NME7: variants seen among roughly 807,000 people sequenced by gnomAD.
The protein encoded by NME7 is NME/NM23 family member 7.
A neutral mutation model predicts 49.1 loss-of-function variants in NME7; 41 were observed. The observed-to-expected ratio is 0.83, with a 90% CI of 0.65 to 1.08. The LOEUF is 1.08. Ranked by LOEUF, NME7 falls within the 50% of genes least tolerant of loss-of-function variation. The pLI, the probability that NME7 is intolerant of heterozygous loss-of-function variation, is 0.00. For missense variants in NME7, 423 were observed against 463.4 expected (o/e 0.91, Z 0.80); for synonymous variants, 139 against 150.6 (o/e 0.92, Z 0.56).
At chr1:169,158,144 C>T (rs535272328) in intron 11 of NME7, among the ~76,000 whole-genome samples, 1 of 152,162 alleles carries the variant, frequency 6.6e-6, no homozygotes, top group East Asian at 1.9e-4. Context: ...ACATAAAATA[C>T]AGTAGTGCCC....
intron 11 of NME7, among the ~76,000 whole-genome samples, chr1:169,165,369 T>C (rs1659380349): frequency 6.6e-6 from 1 of 152,170 alleles, no homozygotes; most frequent in African/African-American, 2.4e-5. Flanking sequence ...AGCCATACTT[T>C]CTGAGCTCTA....
rs1471360606 is a variant in NME7, at chr1:169,267,197, A to T, written c.754+20106T>A. Among the ~76,000 whole-genome samples the T allele has an allele frequency of 2.2e-5, 3 of 134,158 alleles. 1 individual carries two copies. Among genetic ancestry groups the T allele is most frequent in the Non-Finnish European group, 5.2e-5 (3 of 57,150 alleles). 88.0% of individuals were successfully genotyped at this position (134,158 alleles called of 152,430 possible). The stretch of plus-strand genomic sequence containing the variant: ...CCACAAAAAGAGTAAAATATCTAGG[A>T]ATACAGCTAACCAAGGAAGTTAAAG... On this transcript the variant is annotated intron_variant, in intron 7 of 11. Coordinates refer to ENST00000367811, the MANE Select transcript of NME7 (RefSeq NM_013330.5).
intron 4 of NME7, 147 bp downstream of exon 4, chr1:169,309,823 G>C: frequency 1.8e-6 from 1 of 546,690 alleles, no homozygotes; most frequent in South Asian, 2.4e-5. Context: ...ATGAACTCCT[G>C]TCAGTTCCCA....
intron 10 of NME7, among the ~76,000 whole-genome samples, chr1:169,199,444 GTCTTTTT>G (rs1326057201): frequency 9.5e-5 from 12 of 126,206 alleles, no homozygotes; most frequent in Admixed American, 3.7e-4. Flanking sequence ...AGAACCCAGG[GTCTTTTT>G]TATTATTATT....
At chr1:169,316,406 C>T (rs774076478) in intron 3 of NME7, among the ~76,000 whole-genome samples, 6 of 152,046 alleles carry the variant, frequency 3.9e-5, no homozygotes, top group Non-Finnish European at 8.8e-5. Flanking sequence ...GTATAAAAAT[C>T]ACATAACCTC....
At chr1:169,281,061 C>T (rs372049393) in intron 7 of NME7, among the ~76,000 whole-genome samples, 2 of 152,174 alleles carry the variant, frequency 1.3e-5, no homozygotes, top group South Asian at 2.1e-4. Context: ...TGGCCATTTT[C>T]GTGATACTGA....
intron 7 of NME7, among the ~76,000 whole-genome samples, chr1:169,272,516 G>A (rs1649526733): frequency 8.5e-6 from 1 of 118,036 alleles, no homozygotes; most frequent in Non-Finnish European, 1.9e-5. Flanking sequence ...CTATTGTTCA[G>A]CTGCCACTGG....
chr1:169,332,040 GA>G, intron 1 of NME7, among the ~76,000 whole-genome samples: 1 of 151,968 alleles, frequency 6.6e-6, no homozygotes, highest in Non-Finnish European at 1.5e-5. Flanking sequence ...GAACAAAACT[GA>G]AAAAATCACA....
At position 169,190,298 on chromosome 1, in the gene NME7, T is replaced by A. The variant is rs1408533882; in HGVS notation, c.991-20744A>T. Among the ~76,000 whole-genome samples, 7 of 151,834 alleles carry A rather than the reference T, an allele frequency of 4.6e-5. No homozygotes were observed. In the East Asian group the frequency reaches 1.3e-3, roughly 29 times the overall value. On this transcript the variant is annotated intron_variant, in intron 10 of 11. Coordinates refer to ENST00000367811, the MANE Select transcript of NME7 (RefSeq NM_013330.5). ...GTTATGGAAATATATTTAATGATAT[T>A]AGAGAAGACCACAATATATTTTTTA...
At chr1:169,133,003 AT>A (rs1322266778) in intron 11 of NME7, among the ~76,000 whole-genome samples, 186 bp from the exon 12 acceptor site, 1 of 152,230 alleles carries the variant, frequency 6.6e-6, no homozygotes, top group Non-Finnish European at 1.5e-5. Context: ...ATTTAAAAAA[AT>A]CATCTTGCAG....
intron 10 of NME7, among the ~76,000 whole-genome samples, chr1:169,214,294 T>G (rs1011980134): frequency 1.3e-5 from 2 of 152,212 alleles, no homozygotes; most frequent in Non-Finnish European, 2.9e-5. Context: ...TTGAAAAGAC[T>G]GGTCTTTCCT....
chr1:169,246,277 G>A (rs1571322370), intron 7 of NME7, among the ~76,000 whole-genome samples: 1 of 152,292 alleles, frequency 6.6e-6, no homozygotes, highest in Non-Finnish European at 1.5e-5. Context: ...CTGCAATCCA[G>A]CCTGGGTGAC....
At chr1:169,147,428 C>T (rs1417041720) in intron 11 of NME7, among the ~76,000 whole-genome samples, 1 of 152,162 alleles carries the variant, frequency 6.6e-6, no homozygotes, top group East Asian at 1.9e-4. Flanking sequence ...TGCCTGGGTT[C>T]AAGTCTGTGC....
At chr1:169,361,025 A>T (rs1653632488) in intron 1 of NME7, among the ~76,000 whole-genome samples, 1 of 152,078 alleles carries the variant, frequency 6.6e-6, no homozygotes, top group African/African-American at 2.4e-5. Flanking sequence ...TTATTTTCCA[A>T]TATCTGTTTT....
At position 169,269,148 on chromosome 1, in the gene NME7, T is replaced by C; in HGVS notation, c.754+18155A>G. ...GGACTAACAGAACTCTTGAGATTCC[T>C]TCTAAATCAATAAATCACCAGTTTT... On this transcript the variant is annotated intron_variant, in intron 7 of 11. Transcript: ENST00000367811. Among the ~76,000 whole-genome samples the C allele has an allele frequency of 1.5e-5, 2 of 133,414 alleles. 1 individual carries two copies. Among genetic ancestry groups the C allele is most frequent in the Non-Finnish European group, 3.5e-5 (2 of 56,802 alleles). 87.5% of individuals were successfully genotyped at this position (133,414 alleles called of 152,430 possible).
intron 4 of NME7, among the ~76,000 whole-genome samples, chr1:169,305,371 G>A (rs1377918956): frequency 6.6e-6 from 1 of 152,202 alleles, no homozygotes; most frequent in African/African-American, 2.4e-5. Context: ...TTGAGGCACT[G>A]ATCCAAGAAC....
At chr1:169,282,959 G>T (rs1369174380) in intron 7 of NME7, among the ~76,000 whole-genome samples, 1 of 152,092 alleles carries the variant, frequency 6.6e-6, no homozygotes, top group Non-Finnish European at 1.5e-5. Flanking sequence ...AGGTCTATTA[G>T]GTCTGCTTGG....
At chr1:169,264,992 A>T (rs970843944) in intron 7 of NME7, among the ~76,000 whole-genome samples, 2 of 133,170 alleles carry the variant, frequency 1.5e-5, no homozygotes, top group African/African-American at 5.1e-5. Flanking sequence ...GGCAACAAAG[A>T]GAAGTGCAGA....
rs1431086817 is a variant in NME7, at chr1:169,195,855, C to T, written c.991-26301G>A. 3.3e-5 allele frequency among the ~76,000 whole-genome samples: 5 copies of T among 151,818 alleles called. No individual in the cohort carries two copies. The South Asian group carries it at 8.3e-4, about 25-fold the overall frequency. ...GAGCTTGCATGCTAGTGAAAGGAAA[C>T]AAAAAATAAGTGTGTTCAATAGTAA... On this transcript the variant is annotated intron_variant, in intron 10 of 11. Transcript: ENST00000367811.
Sources: allele counts gnomAD v4.1 joint callset (sites outside exome capture counted in the v4.1 genomes callset), GRCh38; gene constraint gnomAD v4.1.1; transcripts MANE v1.5; gene names NCBI Gene and HGNC (gene_info 2026-07-23, HGNC 2026-07-21).